FAM174A: variants seen among roughly 807,000 people sequenced by gnomAD.
FAM174A encodes membrane protein FAM174A.
A neutral mutation model predicts 14.3 loss-of-function variants in FAM174A; 14 were observed. That is an observed-to-expected ratio of 0.98 (90% confidence interval 0.65 to 1.53). The LOEUF (loss-of-function observed/expected upper bound fraction) is 1.53. Ranked by LOEUF, FAM174A falls within the 40% of genes most tolerant of loss-of-function variation. FAM174A has a pLI of 0.00. For missense variants in FAM174A, 241 were observed against 249.6 expected, an observed-to-expected ratio of 0.97 and a Z score of 0.23; for synonymous variants, 108 against 111.4, an observed-to-expected ratio of 0.97 and a Z score of 0.19.
chr5:100,574,253 A>T (rs1233464480), intron 2 of FAM174A, among the ~76,000 whole-genome samples: 1 of 152,116 alleles, frequency 6.6e-6, no homozygotes, highest in Non-Finnish European at 1.5e-5. Context: ...CAGTGGCACT[A>T]TCTCGGCTCA....
Position 100,535,823 on chromosome 5 carries a change from G to T in FAM174A, c.293G>T (p.Gly98Val). ...VAGLETDDHGGKAGEGSVGGG... is the reference protein window; with the variant it reads ...VAGLETDDHGVKAGEGSVGGG... ...GGGCTTGAGACGGACGATCACGGAGGGAAGGCCGGGGAAGGCTCGGTGGGT... is the reference window on the plus strand; with the variant it reads ...GGGCTTGAGACGGACGATCACGGAGTGAAGGCCGGGGAAGGCTCGGTGGGT... The change falls in exon 1 of 3, where the codon GGG (glycine) becomes GTG (valine). Residue 98 changes from glycine to valine, a missense_variant. Physicochemically the swap from Gly to Val is moderately radical, Grantham distance 109 (BLOSUM62 -3). Transcript: ENST00000312637. The T allele has an allele frequency of 6.2e-7, 1 of 1,610,966 alleles. No homozygotes were observed.
chr5:100,572,523 T>G (rs542083111), intron 2 of FAM174A, among the ~76,000 whole-genome samples: 1 of 151,804 alleles, frequency 6.6e-6, no homozygotes, highest in African/African-American at 2.4e-5. Flanking sequence ...GTTCTTGCGA[T>G]AGTTTACTGA....
At chr5:100,549,855 G>T (rs1428859167) in intron 1 of FAM174A, among the ~76,000 whole-genome samples, 1 of 152,036 alleles carries the variant, frequency 6.6e-6, no homozygotes, top group East Asian at 1.9e-4. Flanking sequence ...CATTTTAATA[G>T]CTCCTGAGAG....
chr5:100,552,238 G>T (rs1270138531), intron 1 of FAM174A, among the ~76,000 whole-genome samples: 1 of 152,080 alleles, frequency 6.6e-6, no homozygotes, highest in Non-Finnish European at 1.5e-5. Flanking sequence ...TTATGTTTCA[G>T]CAGTAAAGAA....
intron 2 of FAM174A, among the ~76,000 whole-genome samples, chr5:100,565,426 C>CAT (rs905622868): frequency 4.6e-5 from 7 of 151,488 alleles, no homozygotes; most frequent in Non-Finnish European, 1.0e-4. Flanking sequence ...TATGTATATA[C>CAT]ATATATATAT....
intron 2 of FAM174A, among the ~76,000 whole-genome samples, chr5:100,572,259 T>C (rs571575579): frequency 6.6e-6 from 1 of 151,592 alleles, no homozygotes; most frequent in East Asian, 1.9e-4. Context: ...TCTTTTTTTT[T>C]TTTAATTATA....
chr5:100,582,195 G>A (rs965011535), intron 2 of FAM174A, among the ~76,000 whole-genome samples: 9 of 151,964 alleles, frequency 5.9e-5, no homozygotes, highest in African/African-American at 2.2e-4. Flanking sequence ...GCGTTAAAAG[G>A]ACAAGGGCTG....
intron 1 of FAM174A, among the ~76,000 whole-genome samples, chr5:100,555,721 A>C (rs1746363528): frequency 6.6e-6 from 1 of 152,114 alleles, no homozygotes; most frequent in Non-Finnish European, 1.5e-5. Flanking sequence ...TGGCTGCATA[A>C]ATGTCTTCTT....
At chr5:100,555,988 T>G (rs1211500960) in intron 1 of FAM174A, among the ~76,000 whole-genome samples, 1 of 152,188 alleles carries the variant, frequency 6.6e-6, no homozygotes, top group African/African-American at 2.4e-5. Context: ...TGCCATTGCT[T>G]TTGGTGTTTT....
intron 2 of FAM174A, among the ~76,000 whole-genome samples, chr5:100,582,089 G>A (rs1178035375): frequency 5.3e-5 from 8 of 152,090 alleles, no homozygotes; most frequent in African/African-American, 1.9e-4. Flanking sequence ...TAGTAATTTT[G>A]TGTTCTCCTA....
At chr5:100,584,484 C>T (rs1306586938) in intron 2 of FAM174A, among the ~76,000 whole-genome samples, 1 of 152,158 alleles carries the variant, frequency 6.6e-6, no homozygotes, top group East Asian at 1.9e-4. Flanking sequence ...CTCCTTTTAG[C>T]TTGACAATTT....
chr5:100,543,278 C>T (rs559711174), intron 1 of FAM174A, among the ~76,000 whole-genome samples: 1 of 152,066 alleles, frequency 6.6e-6, no homozygotes, highest in Admixed American at 6.5e-5. Flanking sequence ...CCACCACACC[C>T]AGCTATTTAT....
intron 2 of FAM174A, among the ~76,000 whole-genome samples, chr5:100,569,707 C>T (rs780467635): frequency 5.3e-5 from 8 of 151,844 alleles, no homozygotes; most frequent in Non-Finnish European, 1.2e-4. Flanking sequence ...TCATTAAAAG[C>T]ACTGATTAAC....
At position 100,535,618 on chromosome 5, in the gene FAM174A, CT is replaced by C; in HGVS notation, c.89del (p.Leu30ArgfsTer82). 6.2e-7 allele frequency: 1 copy of C among 1,613,256 alleles called. No individual in the cohort carries two copies. The highest frequency in any genetic ancestry group is 8.5e-7 in the Non-Finnish European group (1 of 1,179,950). On this transcript the variant is annotated frameshift_variant, in exon 1 of 3. Transcript: ENST00000312637. LOFTEE classifies it high-confidence loss of function. ...LLLLPELSGP[L>X]AVLLQAAEAA... ...GTTGCTGCCTGAACTAAGCGGGCCCCTGGCAGTCCTGCTGCAGGCAGCCGAG... is the reference window on the plus strand; with the variant it reads ...GTTGCTGCCTGAACTAAGCGGGCCCCGGCAGTCCTGCTGCAGGCAGCCGAG...
In FAM174A at chr5:100,540,633, T is replaced by TTA. The variant is rs1395190911; in HGVS notation, c.434+4669_434+4670insTA. 7.2e-5 allele frequency among the ~76,000 whole-genome samples: 11 copies of TTA among 152,184 alleles called. No individual in the cohort carries two copies. The East Asian group carries it at 2.1e-3, about 29-fold the overall frequency. ...AAAATGTTTACTCATACACCTAAAA[T>TTA]ATTTTAAAGTGTCAAGTTAGTTTGC... On this transcript the variant is annotated intron_variant, in intron 1 of 2. Coordinates refer to ENST00000312637, the MANE Select transcript of FAM174A (RefSeq NM_198507.3).
chr5:100,557,997 T>C (rs1192003599), intron 1 of FAM174A, among the ~76,000 whole-genome samples: 1 of 152,214 alleles, frequency 6.6e-6, no homozygotes, highest in African/African-American at 2.4e-5. Flanking sequence ...ATGTGTTTAC[T>C]CTTGCTTCTC....
chr5:100,559,128 G>A (rs113443232), intron 1 of FAM174A, among the ~76,000 whole-genome samples: 3,088 of 152,182 alleles, frequency 0.02, 101 homozygotes, highest in African/African-American at 0.07. Context: ...TTTAGGGCAG[G>A]CCTGATGGTG....
At chr5:100,560,243 A>G (rs1746497098) in intron 1 of FAM174A, among the ~76,000 whole-genome samples, 1 of 152,026 alleles carries the variant, frequency 6.6e-6, no homozygotes, top group Non-Finnish European at 1.5e-5. Flanking sequence ...GGTTTTTTAT[A>G]GAGAAAGTTT....
intron 2 of FAM174A, among the ~76,000 whole-genome samples, chr5:100,576,347 G>A (rs565938274): frequency 2.0e-5 from 3 of 152,028 alleles, no homozygotes; most frequent in South Asian, 4.2e-4. Flanking sequence ...CCTTGGTTCC[G>A]CTCATTGTCC....
Sources: allele counts gnomAD v4.1 joint callset (sites outside exome capture counted in the v4.1 genomes callset), GRCh38; gene constraint gnomAD v4.1.1; transcripts MANE v1.5; gene names NCBI Gene and HGNC (gene_info 2026-07-23, HGNC 2026-07-21).